The following PPM1B variants were observed in gnomAD, a reference collection of about 807,000 sequenced individuals.
The protein encoded by PPM1B is protein phosphatase 1B.
PPM1B carries 22 observed loss-of-function variants against 43.0 expected under a neutral mutation model. The observed-to-expected ratio is 0.51, with a 90% CI of 0.37 to 0.73. The LOEUF is 0.73. Ranked by LOEUF, PPM1B falls within the 30% of genes least tolerant of loss-of-function variation. The pLI is 0.00. For synonymous variants in PPM1B, 217 were observed against 197.9 expected (o/e 1.10, Z -0.81); for missense variants, 632 against 584.2 (o/e 1.08, Z -0.84).
chr2:44,179,793 G>A (rs1667775585), intron 1 of PPM1B, among the ~76,000 whole-genome samples: 1 of 152,086 alleles, frequency 6.6e-6, no homozygotes, highest in African/African-American at 2.4e-5. Context: ...TGGATCACCT[G>A]AGGTCAGAAG....
At chr2:44,229,134 A>G (rs1381660922) in intron 5 of PPM1B, among the ~76,000 whole-genome samples, 2 of 151,982 alleles carry the variant, frequency 1.3e-5, no homozygotes, top group Admixed American at 6.6e-5. Context: ...GTGAGCCGAG[A>G]ACATGCCATT....
chr2:44,192,231 G>GTATTGTATTGTATTGTATTT (rs1192854155), intron 1 of PPM1B, among the ~76,000 whole-genome samples: 21 of 151,054 alleles, frequency 1.4e-4, no homozygotes, highest in African/African-American at 5.1e-4. Flanking sequence ...GTATTGTATT[G>GTATTGTATTGTATTGTATTT]TATTGAGATG....
chr2:44,201,883 A>G lies in PPM1B; in HGVS notation c.684A>G (p.Glu228=). The G allele has an allele frequency of 6.2e-7, 1 of 1,614,158 alleles. No homozygotes were observed. The highest frequency in any genetic ancestry group is 1.1e-5 in the South Asian group (1 of 91,082). Residue 228 remains glutamate (E), a synonymous_variant, in exon 2 of 6, where the codon GAA becomes GAG. Transcript: ENST00000282412. The surrounding 1 kb of genome is among the most constrained non-coding windows in gnomAD (Gnocchi z 5.4). ...TTTCTCCAGAGCCTGAGGTTTATGAAATTTTAAGAGCAGAAGAGGATGAAT... is the reference window on the plus strand; with the variant it reads ...TTTCTCCAGAGCCTGAGGTTTATGAGATTTTAAGAGCAGAAGAGGATGAAT... ...QLVSPEPEVY[E]ILRAEEDEFI...
At chr2:44,235,624 A>G (rs986347188), downstream of PPM1B, among the ~76,000 whole-genome samples, 4 of 136,490 alleles carry the variant, frequency 2.9e-5, no homozygotes, top group African/African-American at 1.1e-4. Flanking sequence ...AAAAAAAAAA[A>G]GACTGCTTAG....
rs147140554 is a variant in PPM1B, at chr2:44,209,629, T to C, written c.964+302T>C. 3.3e-5 allele frequency among the ~76,000 whole-genome samples: 5 copies of C among 152,034 alleles called. No homozygotes were observed. In the East Asian group the frequency reaches 9.7e-4, roughly 29 times the overall value. ...CGTCTCTGCTAAAAATACAGAAAATTAGCCGGGCATGGTGGCACACACCTG... is the reference window on the plus strand; with the variant it reads ...CGTCTCTGCTAAAAATACAGAAAATCAGCCGGGCATGGTGGCACACACCTG... On this transcript the variant is annotated intron_variant, in intron 3 of 5. Transcript: ENST00000282412.
chr2:44,186,130 G>A (rs1668106856), intron 1 of PPM1B, among the ~76,000 whole-genome samples: 4 of 151,796 alleles, frequency 2.6e-5, no homozygotes, highest in African/African-American at 9.7e-5. Flanking sequence ...ATTAGTATGT[G>A]ACTTTTCAAG....
intron 2 of PPM1B, among the ~76,000 whole-genome samples, chr2:44,207,421 A>G (rs1281183591): frequency 6.6e-6 from 1 of 152,220 alleles, no homozygotes; most frequent in Non-Finnish European, 1.5e-5. Context: ...GTGAACAGAA[A>G]AAGAAAGTTT....
rs372686471 is a variant in PPM1B at position 44,240,381 on chromosome 2, A to T, written n.1547-3847A>T. 1.6e-4 allele frequency among the ~76,000 whole-genome samples: 23 copies of T among 145,678 alleles called. 4 individuals carry two copies. In the East Asian group the frequency reaches 4.7e-3, roughly 30 times the overall value. ...TATCACTCCCTTTCCTCCCCCTGTAAAACAGGATTAGTAACTATACCATGC... is the reference window on the plus strand; with the variant it reads ...TATCACTCCCTTTCCTCCCCCTGTATAACAGGATTAGTAACTATACCATGC... On this transcript the variant is annotated intron_variant and non_coding_transcript_variant, in intron 5 of 5. Coordinates refer to the PPM1B transcript ENST00000378540.
At chr2:44,220,284 C>T (rs1303319938) in intron 5 of PPM1B, among the ~76,000 whole-genome samples, 1 of 135,310 alleles carries the variant, frequency 7.4e-6, no homozygotes, top group African/African-American at 2.9e-5. Context: ...ATATATATAC[C>T]TTGCTGGATT....
chr2:44,232,440 C>T (rs111545038), downstream of PPM1B: 296 of 1,571,726 alleles, frequency 1.9e-4, no homozygotes, highest in African/African-American at 2.7e-3. Flanking sequence ...AATATTCTTG[C>T]GGATTCCCAA....
chr2:44,191,715 T>C (rs950985952), intron 1 of PPM1B, among the ~76,000 whole-genome samples: 1 of 152,158 alleles, frequency 6.6e-6, no homozygotes, highest in African/African-American at 2.4e-5. Context: ...GGATACTCTA[T>C]AACCAACAAT....
intron 1 of PPM1B, among the ~76,000 whole-genome samples, chr2:44,192,353 G>A (rs1334553135): frequency 1.3e-5 from 2 of 152,082 alleles, no homozygotes; most frequent in African/African-American, 4.8e-5. Flanking sequence ...GAGTAGCTGG[G>A]ATTACAGCCC....
downstream of PPM1B, chr2:44,232,690 T>C: frequency 2.9e-6 from 3 of 1,042,352 alleles, no homozygotes; most frequent in Non-Finnish European, 3.5e-6. Flanking sequence ...TGAAAATACA[T>C]TATGTTTTTT....
chr2:44,214,081 A>G (rs887767157), intron 3 of PPM1B, among the ~76,000 whole-genome samples: 1 of 152,088 alleles, frequency 6.6e-6, no homozygotes, highest in Non-Finnish European at 1.5e-5. Context: ...CACCAACCAT[A>G]GAGTTTTTTG....
chr2:44,202,214 GT>G (rs1404727835), intron 2 of PPM1B, among the ~76,000 whole-genome samples, 169 bp downstream of exon 2: 3 of 152,076 alleles, frequency 2.0e-5, no homozygotes, highest in Non-Finnish European at 4.4e-5. Context: ...ATCCTTGTTT[GT>G]CCCAGCCTTC....
At chr2:44,241,907 G>C (rs560496357) in intron 5 of PPM1B, among the ~76,000 whole-genome samples, 4 of 111,302 alleles carry the variant, frequency 3.6e-5, no homozygotes, top group Non-Finnish European at 6.5e-5. Flanking sequence ...CGTCCAGGCT[G>C]GAGAGCAGTG....
chr2:44,243,729 C>G (rs889814800), intron 5 of PPM1B, among the ~76,000 whole-genome samples: 1 of 152,132 alleles, frequency 6.6e-6, no homozygotes, highest in Admixed American at 6.5e-5. Flanking sequence ...ACCATGTCAT[C>G]TTAATTATCA....
At chr2:44,186,712 A>G (rs1558395335) in intron 1 of PPM1B, among the ~76,000 whole-genome samples, 1 of 152,130 alleles carries the variant, frequency 6.6e-6, no homozygotes, top group Admixed American at 6.5e-5. Flanking sequence ...CTATTTAATG[A>G]TTTTTCATTT....
intron 2 of PPM1B, among the ~76,000 whole-genome samples, chr2:44,205,038 T>C (rs1669108109): frequency 6.6e-6 from 1 of 152,100 alleles, no homozygotes; most frequent in South Asian, 2.1e-4. Flanking sequence ...TGCTGGCATT[T>C]ATGGTGTTTA....
Sources: allele counts gnomAD v4.1 joint callset (sites outside exome capture counted in the v4.1 genomes callset), GRCh38; gene constraint gnomAD v4.1.1; non-coding constraint Gnocchi (gnomAD v3.1); transcripts MANE v1.5; gene names NCBI Gene and HGNC (gene_info 2026-07-23, HGNC 2026-07-21).